VWC2: variants seen among roughly 807,000 people sequenced by gnomAD.
VWC2 encodes the protein von Willebrand factor C domain containing 2.
In VWC2, 14 loss-of-function variants were observed where a neutral mutation model predicts 29.8. The ratio of observed to expected loss-of-function variants is 0.47; its 90% CI spans 0.31 to 0.74. The LOEUF (loss-of-function observed/expected upper bound fraction) is 0.74. Among genes scored for constraint, VWC2 ranks in the 30% least tolerant of loss-of-function variants. VWC2 has a pLI of 0.05. For synonymous variants in VWC2, 213 were observed against 199.0 expected (o/e 1.07, Z -0.59); for missense variants, 457 against 459.8 (o/e 0.99, Z 0.05).
At chr7:49,806,922 T>C (rs1168011686) in intron 3 of VWC2, among the ~76,000 whole-genome samples, 3 of 152,156 alleles carry the variant, frequency 2.0e-5, no homozygotes, top group African/African-American at 7.2e-5. Context: ...TAAAGGAATT[T>C]ACAAATATCA....
chr7:49,805,498 G>A (rs1249924256), intron 3 of VWC2, among the ~76,000 whole-genome samples: 1 of 152,126 alleles, frequency 6.6e-6, no homozygotes, highest in Non-Finnish European at 1.5e-5. Flanking sequence ...ATAGAGCTTG[G>A]CTTTCAGCTG....
chr7:49,779,219 T>C (rs888001849), intron 2 of VWC2, among the ~76,000 whole-genome samples: 1 of 152,220 alleles, frequency 6.6e-6, no homozygotes, highest in Non-Finnish European at 1.5e-5. Context: ...CTTCTCTTTC[T>C]TTGGGCATGT....
At chr7:49,778,401 C>T (rs996112017) in intron 2 of VWC2, among the ~76,000 whole-genome samples, 1 of 152,226 alleles carries the variant, frequency 6.6e-6, no homozygotes, top group Non-Finnish European at 1.5e-5. Context: ...TTACCAGATG[C>T]TGGGATGCAC....
chr7:49,873,856 A>G (rs1157355771), intron 3 of VWC2, among the ~76,000 whole-genome samples: 1 of 152,124 alleles, frequency 6.6e-6, no homozygotes, highest in Admixed American at 6.5e-5. Flanking sequence ...ACTACTACAC[A>G]GCATTTATAT....
At chr7:49,806,958 A>T (rs780949239) in intron 3 of VWC2, among the ~76,000 whole-genome samples, 1 of 152,226 alleles carries the variant, frequency 6.6e-6, no homozygotes, top group Admixed American at 6.5e-5. Flanking sequence ...TTTAACAAGG[A>T]TGTTTAGCAA....
intron 2 of VWC2, among the ~76,000 whole-genome samples, chr7:49,795,171 T>C (rs191559715): frequency 6.6e-6 from 1 of 152,198 alleles, no homozygotes; most frequent in Non-Finnish European, 1.5e-5. Flanking sequence ...GTTCTTAGTA[T>C]TGTTGCCCCT....
chr7:49,910,468 T>C (rs1793348662), intron 3 of VWC2, among the ~76,000 whole-genome samples: 1 of 152,188 alleles, frequency 6.6e-6, no homozygotes, highest in South Asian at 2.1e-4. Context: ...CTGTTGAAGA[T>C]AAAAGTTGAG....
At chr7:49,911,901 A>T in intron 3 of VWC2, 133 bp from the exon 4 acceptor site, 1 of 633,944 alleles carries the variant, frequency 1.6e-6, no homozygotes, top group Non-Finnish European at 2.2e-6. Context: ...TGTCTCAAAA[A>T]CAAACAAACA....
intron 2 of VWC2, among the ~76,000 whole-genome samples, chr7:49,784,004 G>A (rs983367752): frequency 1.3e-5 from 2 of 152,196 alleles, no homozygotes; most frequent in African/African-American, 4.8e-5. Flanking sequence ...CTTTAAACAT[G>A]AGACCTCTCC....
chr7:49,852,563 A>G lies in VWC2; in HGVS notation c.826+49723A>G, dbSNP rs546052726. ...GAAGATCATACCTGGGGATAATGCT[A>G]TTTAGTGGTTTTTCCTGTTTCTGTG... On this transcript the variant is annotated intron_variant, in intron 3 of 3. Transcript: ENST00000340652. 4.0e-5 allele frequency among the ~76,000 whole-genome samples: 6 copies of G among 151,738 alleles called. No homozygotes were observed. The South Asian group carries it at 1.0e-3, about 26-fold the overall frequency.
intron 2 of VWC2, among the ~76,000 whole-genome samples, chr7:49,790,803 T>G (rs897856470): frequency 2.0e-5 from 3 of 151,792 alleles, no homozygotes; most frequent in Non-Finnish European, 4.4e-5. Context: ...TGTGCTAGTT[T>G]GATAAGACAG....
chr7:49,872,426 G>A (rs565903424), intron 3 of VWC2, among the ~76,000 whole-genome samples: 1 of 152,140 alleles, frequency 6.6e-6, no homozygotes, highest in African/African-American at 2.4e-5. Flanking sequence ...CTACCTCATA[G>A]TATATGCAAA....
intron 2 of VWC2, among the ~76,000 whole-genome samples, chr7:49,800,652 A>G (rs1788716481): frequency 6.6e-6 from 1 of 152,108 alleles, no homozygotes; most frequent in African/African-American, 2.4e-5. Context: ...GGCTTCTGAC[A>G]TGCAATAAAC....
At chr7:49,809,121 T>C (rs773986845) in intron 3 of VWC2, among the ~76,000 whole-genome samples, 6 of 151,912 alleles carry the variant, frequency 3.9e-5, no homozygotes, top group Non-Finnish European at 8.8e-5. Flanking sequence ...ACAGTATTGA[T>C]AAAATTGACA....
At chr7:49,895,211 G>A (rs1792324152) in intron 3 of VWC2, among the ~76,000 whole-genome samples, 1 of 152,148 alleles carries the variant, frequency 6.6e-6, no homozygotes, top group African/African-American at 2.4e-5. Flanking sequence ...GTGGGCAGGG[G>A]AGGGATGGAA....
At chr7:49,863,679 C>T (rs757258382) in intron 3 of VWC2, among the ~76,000 whole-genome samples, 43 of 152,130 alleles carry the variant, frequency 2.8e-4, no homozygotes, top group Non-Finnish European at 5.4e-4. Flanking sequence ...CATCCGCCCA[C>T]CTCAGCCTCC....
At chr7:49,831,561 G>A (rs1178367442) in intron 3 of VWC2, among the ~76,000 whole-genome samples, 1 of 152,208 alleles carries the variant, frequency 6.6e-6, no homozygotes, top group Non-Finnish European at 1.5e-5. Context: ...TTTTTGCTCA[G>A]TGTAAGGAGA....
intron 3 of VWC2, among the ~76,000 whole-genome samples, chr7:49,825,296 A>G (rs1789368348): frequency 6.6e-6 from 1 of 152,200 alleles, no homozygotes; most frequent in African/African-American, 2.4e-5. Context: ...ACATCCCTTA[A>G]TAGCTACTTT....
chr7:49,811,742 A>G (rs1192030764), intron 3 of VWC2, among the ~76,000 whole-genome samples: 1 of 152,210 alleles, frequency 6.6e-6, no homozygotes, highest in East Asian at 1.9e-4. Flanking sequence ...TACTTTGGAA[A>G]ACAGTTTGGC....
Sources: allele counts gnomAD v4.1 joint callset (sites outside exome capture counted in the v4.1 genomes callset), GRCh38; gene constraint gnomAD v4.1.1; transcripts MANE v1.5; gene names NCBI Gene and HGNC (gene_info 2026-07-23, HGNC 2026-07-21).